The following MECR variants were observed in gnomAD, a reference collection of about 807,000 sequenced individuals.
MECR encodes enoyl-[acyl-carrier-protein] reductase, mitochondrial.
Under a neutral mutation model 49.1 loss-of-function variants are expected in MECR, and 37 were observed. That is an observed-to-expected ratio of 0.75 (90% CI 0.58 to 0.99). The LOEUF (loss-of-function observed/expected upper bound fraction) is 0.99. Among genes scored for constraint, MECR ranks in the 50% least tolerant of loss-of-function variants. The pLI is 0.00. For synonymous variants in MECR, 198 were observed against 191.1 expected, an observed-to-expected ratio of 1.04 and a Z score of -0.30; for missense variants, 470 against 479.6, an observed-to-expected ratio of 0.98 and a Z score of 0.19.
At chr1:29,216,488 T>C in intron 2 of MECR, 100 bp downstream of exon 2, 1 of 1,201,878 alleles carries the variant, frequency 8.3e-7, no homozygotes, top group Non-Finnish European at 1.2e-6. Flanking sequence ...CAGCTGCTGC[T>C]AATCACAGGC....
chr1:29,219,125 C>T (rs576449930), intron 1 of MECR, among the ~76,000 whole-genome samples: 2 of 152,186 alleles, frequency 1.3e-5, no homozygotes, highest in South Asian at 2.1e-4. Flanking sequence ...ATGGAGGGAG[C>T]GCTAACAGGT....
chr1:29,204,033 T>C (rs760735642), intron 4 of MECR, among the ~76,000 whole-genome samples: 3 of 152,146 alleles, frequency 2.0e-5, no homozygotes, highest in Non-Finnish European at 4.4e-5. Context: ...TCACCAATGA[T>C]TGTAACTAAA....
At chr1:29,205,844 G>C (rs1213904135) in intron 4 of MECR, among the ~76,000 whole-genome samples, 1 of 152,064 alleles carries the variant, frequency 6.6e-6, no homozygotes, top group African/African-American at 2.4e-5. Flanking sequence ...CGGAGCAGTA[G>C]TTGCCCGCAG....
intron 7 of MECR, among the ~76,000 whole-genome samples, chr1:29,197,136 GA>G (rs1674204841): frequency 6.6e-6 from 1 of 152,194 alleles, no homozygotes; most frequent in Admixed American, 6.5e-5. Context: ...CCAGGATTGG[GA>G]ATCCACTGAT....
At chr1:29,213,916 T>C (rs1678661248) in intron 3 of MECR, among the ~76,000 whole-genome samples, 3 of 152,194 alleles carry the variant, frequency 2.0e-5, no homozygotes, top group African/African-American at 7.2e-5. Flanking sequence ...CAATAAATAT[T>C]TGTTGGTTTG....
rs189349168 is a variant in MECR, at chr1:29,219,899, C to G, written c.177-3214G>C. ...TTGGAACTGCAGATACAAATTTAAACTTGGATTCAGGTCTTTCAGACTCTG... is the reference window on the plus strand; with the variant it reads ...TTGGAACTGCAGATACAAATTTAAAGTTGGATTCAGGTCTTTCAGACTCTG... On this transcript the variant is annotated intron_variant, in intron 1 of 9. Transcript: ENST00000263702. 1.1e-4 allele frequency among the ~76,000 whole-genome samples: 16 copies of G among 152,304 alleles called. No homozygotes were observed. In the East Asian group the frequency reaches 3.1e-3, roughly 29 times the overall value.
chr1:29,175,533 A>C, the MECR span, among the ~76,000 whole-genome samples: 1 of 150,254 alleles, frequency 6.7e-6, no homozygotes, highest in Admixed American at 6.6e-5. Flanking sequence ...GTCTCTACTA[A>C]AAATACAAAA....
chr1:29,186,307 TA>T, the MECR span, among the ~76,000 whole-genome samples: 1 of 152,240 alleles, frequency 6.6e-6, no homozygotes, highest in African/African-American at 2.4e-5. Context: ...AGGGCTTTGA[TA>T]TGCGCTACTT....
chr1:29,198,492 G>A (rs1426139064), intron 7 of MECR, among the ~76,000 whole-genome samples: 2 of 152,222 alleles, frequency 1.3e-5, no homozygotes, highest in South Asian at 2.1e-4. Flanking sequence ...TGGGATTGAG[G>A]TCTGCCGCAG....
At chr1:29,229,386 G>A (rs1428931168) in intron 1 of MECR, among the ~76,000 whole-genome samples, 3 of 152,110 alleles carry the variant, frequency 2.0e-5, no homozygotes, top group Non-Finnish European at 2.9e-5. Flanking sequence ...TGTATTTTTA[G>A]TAGAGATGGG....
At chr1:29,211,317 C>T (rs1266515521) in intron 3 of MECR, among the ~76,000 whole-genome samples, 3 of 152,226 alleles carry the variant, frequency 2.0e-5, no homozygotes, top group Non-Finnish European at 4.4e-5. Flanking sequence ...GATCTGCCCG[C>T]CTTGGCCTCC....
At chr1:29,184,026 C>G in the MECR span, among the ~76,000 whole-genome samples, 1,349 of 149,796 alleles carry the variant, frequency 9.0e-3, 12 homozygotes, top group Middle Eastern at 0.051. Flanking sequence ...TTACAGGCAC[C>G]TGCCACCACG....
intron 1 of MECR, among the ~76,000 whole-genome samples, chr1:29,229,248 G>A (rs984541997): frequency 5.9e-5 from 9 of 151,542 alleles, no homozygotes; most frequent in Admixed American, 5.9e-4. Context: ...TGTTGCCCAG[G>A]CTGGAGTGCA....
intron 1 of MECR, chr1:29,223,035 A>C (rs1022932002): frequency 5.5e-5 from 53 of 963,764 alleles, no homozygotes; most frequent in Non-Finnish European, 6.0e-5. Flanking sequence ...GTTCTTTAAA[A>C]AAACAAACAA....
At chr1:29,181,793 C>A in the MECR span, 6 of 1,506,604 alleles carry the variant, frequency 4.0e-6, no homozygotes, top group South Asian at 3.7e-5. Context: ...CCCCAGCCCC[C>A]CTTAGGCGGC....
chr1:29,181,201 G>A, the MECR span, among the ~76,000 whole-genome samples: 1 of 152,342 alleles, frequency 6.6e-6, no homozygotes, highest in African/African-American at 2.4e-5. Flanking sequence ...CGCTGTGACC[G>A]TCTGATCCAT....
At chr1:29,182,470 G>C in the MECR span, among the ~76,000 whole-genome samples, 3 of 152,142 alleles carry the variant, frequency 2.0e-5, no homozygotes, top group Admixed American at 2.0e-4. Flanking sequence ...TAGAAGCAGT[G>C]TGAGAAGCGG....
chr1:29,200,470 C>T lies in MECR; in HGVS notation c.830+46G>A, dbSNP rs762409659. The T allele has an allele frequency of 3.6e-5, 56 of 1,570,080 alleles. No homozygotes were observed. In the East Asian group the frequency reaches 1.3e-3, roughly 35 times the overall value. On this transcript the variant is annotated intron_variant, in intron 7 of 9. Transcript: ENST00000263702. Reference sequence around the variant, plus strand: ...ACTTGATGGTCCTCCCAGCTAAAGACCTGGAGAGCTCTGGCGAGCTGGACC... The same window carrying T: ...ACTTGATGGTCCTCCCAGCTAAAGATCTGGAGAGCTCTGGCGAGCTGGACC...
rs983310359 is a variant in MECR at position 29,193,703 on chromosome 1, G to T, written c.*319C>A. 13 of 275,408 alleles carry T rather than the reference G, an allele frequency of 4.7e-5. No homozygotes were observed. The Admixed American group carries it at 5.8e-4, about 12-fold the overall frequency. The allele number at this position is 275,408 out of a possible 1,614,324, so 17.1% of individuals were successfully genotyped here. A position where few individuals can be genotyped will look rare whatever the true frequency, so the allele number is the denominator to read the frequency against. ...CCACCCAGGCTTTGCTTTCAGGGTGGTCAGAAAATGATTACTGGGGGAACA... is the reference window on the plus strand; with the variant it reads ...CCACCCAGGCTTTGCTTTCAGGGTGTTCAGAAAATGATTACTGGGGGAACA... On this transcript the variant is annotated 3_prime_UTR_variant, in exon 10 of 10. Coordinates refer to ENST00000263702, the MANE Select transcript of MECR (RefSeq NM_016011.5).
Sources: allele counts gnomAD v4.1 joint callset (sites outside exome capture counted in the v4.1 genomes callset), GRCh38; gene constraint gnomAD v4.1.1; transcripts MANE v1.5; gene names NCBI Gene and HGNC (gene_info 2026-07-23, HGNC 2026-07-21).